Variants in GALNT17 observed in about 807,000 individuals in gnomAD.
The protein encoded by GALNT17 is polypeptide N-acetylgalactosaminyltransferase 17, also known as UDP-GalNAc:polypeptide N-acetylgalactosaminyltransferase-like 3.
In GALNT17, 29 loss-of-function variants were observed where a neutral mutation model predicts 63.7. That is an observed-to-expected ratio of 0.46 (90% CI 0.34 to 0.62). GALNT17 has a LOEUF of 0.62. Ranked by LOEUF, GALNT17 falls within the 20% of genes least tolerant of loss-of-function variation. The pLI is 0.01. For missense variants in GALNT17, 603 were observed against 799.6 expected, an observed-to-expected ratio of 0.75 and a Z score of 2.97; for synonymous variants, 305 against 318.3, an observed-to-expected ratio of 0.96 and a Z score of 0.45.
At chr7:71,310,964 G>A (rs1337667473) in intron 1 of GALNT17, among the ~76,000 whole-genome samples, 1 of 152,202 alleles carries the variant, frequency 6.6e-6, no homozygotes, top group Non-Finnish European at 1.5e-5. Flanking sequence ...TGCTTTGCAG[G>A]AGGTAACACC....
chr7:71,424,568 A>T (rs1396578886), intron 5 of GALNT17, among the ~76,000 whole-genome samples: 5 of 152,252 alleles, frequency 3.3e-5, no homozygotes, highest in African/African-American at 1.2e-4. Flanking sequence ...TAGAGTCATG[A>T]TCATGAGTCA....
chr7:71,385,253 A>G (rs565411461), intron 2 of GALNT17, among the ~76,000 whole-genome samples: 99 of 152,098 alleles, frequency 6.5e-4, no homozygotes, highest in Non-Finnish European at 1.2e-3. Flanking sequence ...GACAGACCCA[A>G]GAGACAAGGG....
chr7:71,375,616 C>A (rs1448141429), intron 2 of GALNT17, among the ~76,000 whole-genome samples: 1 of 152,142 alleles, frequency 6.6e-6, no homozygotes, highest in African/African-American at 2.4e-5. Context: ...ACACGGATCT[C>A]CCTCTGCTGC....
intron 8 of GALNT17, among the ~76,000 whole-genome samples, chr7:71,675,565 G>GT (rs1388989745): frequency 6.6e-6 from 1 of 152,066 alleles, no homozygotes; most frequent in African/African-American, 2.4e-5. Context: ...GGAGGCTGCA[G>GT]TGAGCTATGA....
rs945880844 is a variant in GALNT17, at chr7:71,132,293, C to T, written c.-510C>T. 3 of 151,854 alleles carry T rather than the reference C, an allele frequency of 2.0e-5. No individual in the cohort carries two copies. The highest frequency in any genetic ancestry group is 7.2e-5 in the African/African-American group (3 of 41,400). 9.4% of individuals were successfully genotyped at this position (151,854 alleles called of 1,614,324 possible). On this transcript the variant is annotated 5_prime_UTR_variant, in exon 1 of 11. Transcript: ENST00000333538. ...CCGCTGAAGAGCGCGGGTGGCGCGC[C>T]GCGACGGCCGCCTGCGGGCCAAGGT...
At chr7:71,587,073 G>T (rs567756308) in intron 6 of GALNT17, among the ~76,000 whole-genome samples, 1 of 152,072 alleles carries the variant, frequency 6.6e-6, no homozygotes, top group South Asian at 2.1e-4. Context: ...TGTCACCCAG[G>T]CTGGAGTGCC....
At chr7:71,218,893 C>G (rs1171282191) in intron 1 of GALNT17, among the ~76,000 whole-genome samples, 1 of 152,042 alleles carries the variant, frequency 6.6e-6, no homozygotes, top group Non-Finnish European at 1.5e-5. Flanking sequence ...CCCACTGATT[C>G]TGCATAATGT....
At chr7:71,543,731 C>A (rs969954175) in intron 5 of GALNT17, among the ~76,000 whole-genome samples, 1 of 151,226 alleles carries the variant, frequency 6.6e-6, no homozygotes, top group Non-Finnish European at 1.5e-5. Context: ...TGCTGTCCTG[C>A]AAACTCAAGA....
At chr7:71,331,086 A>G (rs1312620846) in intron 1 of GALNT17, among the ~76,000 whole-genome samples, 2 of 152,094 alleles carry the variant, frequency 1.3e-5, no homozygotes, top group Non-Finnish European at 2.9e-5. Context: ...CTCGTGTACC[A>G]CATGTGAAGA....
At chr7:71,563,355 G>A (rs1015719250) in intron 5 of GALNT17, among the ~76,000 whole-genome samples, 6 of 152,274 alleles carry the variant, frequency 3.9e-5, no homozygotes, top group Admixed American at 1.3e-4. Flanking sequence ...AGCAGCAGCC[G>A]TGCTTTGCTC....
At position 71,406,302 on chromosome 7, in the gene GALNT17, A is replaced by G. The variant is rs1374995832; in HGVS notation, c.590-9587A>G. 3.9e-5 allele frequency among the ~76,000 whole-genome samples: 6 copies of G among 152,326 alleles called. No individual in the cohort carries two copies. The East Asian group carries it at 1.2e-3, about 29-fold the overall frequency. On this transcript the variant is annotated intron_variant, in intron 3 of 10. Transcript: ENST00000333538. ...CCCCAGTTGGTATTCTCACTGAGAA[A>G]CTAACAAAGCTTCCGCATTGGGCCC...
intron 1 of GALNT17, among the ~76,000 whole-genome samples, chr7:71,174,974 G>A (rs1486172728): frequency 6.6e-6 from 1 of 152,218 alleles, no homozygotes; most frequent in Non-Finnish European, 1.5e-5. Context: ...TTTCAAACAT[G>A]CATACAAGTA....
intron 5 of GALNT17, among the ~76,000 whole-genome samples, chr7:71,487,856 G>A (rs1787938105): frequency 6.6e-6 from 1 of 152,052 alleles, no homozygotes; most frequent in Admixed American, 6.6e-5. Flanking sequence ...CCCACATATA[G>A]GTGGCCAGCC....
intron 1 of GALNT17, among the ~76,000 whole-genome samples, chr7:71,186,403 C>T (rs1438822292): frequency 6.6e-6 from 1 of 152,218 alleles, no homozygotes; most frequent in Admixed American, 6.5e-5. Context: ...CTTCCTCTCA[C>T]CCCTGCCGCA....
At chr7:71,496,234 C>A (rs751229416) in intron 5 of GALNT17, among the ~76,000 whole-genome samples, 2 of 151,936 alleles carry the variant, frequency 1.3e-5, no homozygotes, top group African/African-American at 2.4e-5. Context: ...GTGGGGAGGC[C>A]GGGGGATCAA....
At chr7:71,683,255 C>T (rs751307897) in intron 9 of GALNT17, among the ~76,000 whole-genome samples, 11 of 152,118 alleles carry the variant, frequency 7.2e-5, no homozygotes, top group African/African-American at 1.9e-4. Flanking sequence ...AATTAGAGAA[C>T]GCTTGGTGTG....
At chr7:71,311,405 T>A (rs750927908) in intron 1 of GALNT17, among the ~76,000 whole-genome samples, 6 of 152,128 alleles carry the variant, frequency 3.9e-5, no homozygotes, top group Non-Finnish European at 8.8e-5. Flanking sequence ...CATCTTATGT[T>A]TGGAGATAGC....
chr7:71,292,190 G>A (rs1198685695), intron 1 of GALNT17, among the ~76,000 whole-genome samples: 1 of 152,174 alleles, frequency 6.6e-6, no homozygotes, highest in Admixed American at 6.5e-5. Context: ...AGTCTAGAAA[G>A]CATTCCTAGA....
intron 6 of GALNT17, among the ~76,000 whole-genome samples, chr7:71,615,793 AC>A (rs1790193372): frequency 6.6e-6 from 1 of 151,990 alleles, no homozygotes; most frequent in Non-Finnish European, 1.5e-5. Context: ...GTGCTTTCTT[AC>A]TTTTTACTCT....
Sources: gnomAD v4.1 joint callset for allele counts (sites outside exome capture counted in the v4.1 genomes callset) on GRCh38, gnomAD v4.1.1 for gene constraint, MANE v1.5 for transcripts, NCBI Gene and HGNC (gene_info 2026-07-23, HGNC 2026-07-21) for gene names.